DLGAP2: variants seen among roughly 807,000 people sequenced by gnomAD.
The protein encoded by DLGAP2 is DLG associated protein 2, also known as disks large-associated protein 2.
In DLGAP2, 26 loss-of-function variants were observed where a neutral mutation model predicts 100.3. That is an observed-to-expected ratio of 0.26 (90% CI 0.19 to 0.36). The LOEUF (loss-of-function observed/expected upper bound fraction) is 0.36, where lower values mean the gene tolerates loss of function less well. Ranked by LOEUF, DLGAP2 falls within the 10% of genes least tolerant of loss-of-function variation. DLGAP2 has a pLI of 1.00. For missense variants in DLGAP2, 1,858 were observed against 1,453.2 expected (o/e 1.28, Z -4.53); for synonymous variants, 886 against 630.1 (o/e 1.41, Z -6.08).
intron 6 of DLGAP2, among the ~76,000 whole-genome samples, chr8:1,600,482 C>G (rs1286510656): frequency 6.6e-6 from 1 of 152,118 alleles, no homozygotes; most frequent in African/African-American, 2.4e-5. Flanking sequence ...AGCTTGGTTC[C>G]ATTCTCCCCG....
intron 2 of DLGAP2, among the ~76,000 whole-genome samples, chr8:1,063,521 C>CTT (rs34456280): frequency 2.6e-4 from 29 of 111,388 alleles, no homozygotes; most frequent in African/African-American, 8.5e-4. Flanking sequence ...AGTATACTGG[C>CTT]TTTTTTTTTT....
In DLGAP2 at chr8:1,282,125, A is replaced by G. The variant is rs796487888; in HGVS notation, c.106+23242A>G. Among the ~76,000 whole-genome samples the G allele has an allele frequency of 9.4e-4, 133 of 141,008 alleles. 1 individual carries two copies. In the East Asian group the frequency reaches 0.013, roughly 14 times the overall value. The allele number at this position is 141,008 out of a possible 152,430, so 92.5% of individuals were successfully genotyped here. On this transcript the variant is annotated intron_variant, in intron 3 of 14. Transcript: ENST00000637795. ...ACCCAGCACTCTGAACCATCCGGAC[A>G]TGGTGTGACCTGAACCCAGCGCATG... is the stretch of plus-strand genomic sequence containing the variant.
chr8:1,444,651 C>G (rs186528842), intron 3 of DLGAP2, among the ~76,000 whole-genome samples: 1 of 152,100 alleles, frequency 6.6e-6, no homozygotes, highest in Non-Finnish European at 1.5e-5. Flanking sequence ...TTCCCCATTT[C>G]CAGGTTGATG....
At chr8:1,005,363 T>C (rs1801075919) in intron 2 of DLGAP2, among the ~76,000 whole-genome samples, 1 of 151,952 alleles carries the variant, frequency 6.6e-6, no homozygotes, top group East Asian at 1.9e-4. Flanking sequence ...CGTCAAATAG[T>C]TGATGCCCAT....
At chr8:1,182,706 C>G (rs1354264367) in intron 2 of DLGAP2, among the ~76,000 whole-genome samples, 1 of 152,212 alleles carries the variant, frequency 6.6e-6, no homozygotes, top group Non-Finnish European at 1.5e-5. Context: ...CCTGCCATCA[C>G]GTCTGCGCTG....
intron 2 of DLGAP2, among the ~76,000 whole-genome samples, chr8:1,135,182 C>G (rs1050907349): frequency 3.3e-5 from 5 of 152,154 alleles, no homozygotes; most frequent in Admixed American, 3.3e-4. Flanking sequence ...AGTATAGGCA[C>G]TTACCCTATA....
intron 10 of DLGAP2, among the ~76,000 whole-genome samples, chr8:1,671,745 G>C (rs17829167): frequency 0.17 from 26,201 of 152,206 alleles, 2,725 homozygotes; most frequent in East Asian, 0.43. Context: ...CAAGTCCCCT[G>C]TTCCTCAGAT....
chr8:1,130,100 C>T (rs539201299), intron 2 of DLGAP2, among the ~76,000 whole-genome samples: 1 of 2,094 alleles, frequency 4.8e-4, no homozygotes, highest in Admixed American at 3.9e-3. Flanking sequence ...AGACACTTCA[C>T]GCGAGTTAAG....
At chr8:976,501 A>C (rs369053918) in intron 2 of DLGAP2, among the ~76,000 whole-genome samples, 5 of 152,184 alleles carry the variant, frequency 3.3e-5, no homozygotes, top group African/African-American at 1.2e-4. Flanking sequence ...AGTCCCAGCT[A>C]CTTGGGAGGC....
chr8:973,530 G>T (rs2129012689), intron 2 of DLGAP2, among the ~76,000 whole-genome samples: 1 of 152,338 alleles, frequency 6.6e-6, no homozygotes, highest in East Asian at 1.9e-4. Context: ...GCCGGGCAGA[G>T]ATGCTCCTCA....
rs555256155 is a variant in DLGAP2 at position 1,188,471 on chromosome 8, C to T, written c.74-70380C>T. ...TTTCCCTCACGGAATCTCGCACGCC[C>T]GGGACTTCCGTGACGTTTCCCTCAC... On this transcript the variant is annotated intron_variant, in intron 2 of 14. Coordinates refer to ENST00000637795, the MANE Select transcript of DLGAP2 (RefSeq NM_001346810.2). 4.0e-4 allele frequency among the ~76,000 whole-genome samples: 55 copies of T among 137,156 alleles called. 3 individuals are homozygous for T. Among genetic ancestry groups the T allele is most frequent in the Admixed American group, 2.8e-3 (40 of 14,506 alleles). The allele number at this position is 137,156 out of a possible 152,430, so 90.0% of individuals were successfully genotyped here. A position where few individuals can be genotyped will look rare whatever the true frequency, so the allele number is the denominator to read the frequency against.
chr8:1,442,498 G>A (rs544844242), intron 3 of DLGAP2, among the ~76,000 whole-genome samples: 16 of 149,036 alleles, frequency 1.1e-4, no homozygotes, highest in Admixed American at 7.4e-4. Flanking sequence ...TGGGGGAGAC[G>A]GATCCGGGCA....
At chr8:1,552,558 A>G (rs1465762026) in intron 5 of DLGAP2, among the ~76,000 whole-genome samples, 2 of 152,190 alleles carry the variant, frequency 1.3e-5, no homozygotes, top group African/African-American at 4.8e-5. Flanking sequence ...CTTCCTGTCA[A>G]TTGCATTAAA....
rs373231135 is a variant in DLGAP2 at position 1,697,438 on chromosome 8, G to A, written c.2949+139G>A. On this transcript the variant is annotated intron_variant, in intron 14 of 14. Coordinates refer to ENST00000637795, the MANE Select transcript of DLGAP2 (RefSeq NM_001346810.2). The stretch of plus-strand genomic sequence containing the variant: ...CGAGCAAATTTCCCTCTATGTATGT[G>A]TGCACATGTGTATACGCACATGTGT... 1.8e-5 allele frequency: 22 copies of A among 1,234,580 alleles called. No homozygotes were observed. In the South Asian group the frequency reaches 2.5e-4, roughly 14 times the overall value. 76.5% of individuals were successfully genotyped at this position (1,234,580 alleles called of 1,614,324 possible).
chr8:1,165,288 G>A (rs1327320629), intron 2 of DLGAP2, among the ~76,000 whole-genome samples: 3 of 151,540 alleles, frequency 2.0e-5, no homozygotes, highest in African/African-American at 7.3e-5. Flanking sequence ...ACAGAGATGG[G>A]GAGAGAGACA....
chr8:1,667,285 T>C (rs1463979167), intron 8 of DLGAP2, among the ~76,000 whole-genome samples: 1 of 152,208 alleles, frequency 6.6e-6, no homozygotes, highest in Non-Finnish European at 1.5e-5. Flanking sequence ...GCATTTTTGG[T>C]AGGTTCTAAG....
At position 839,470 on chromosome 8, in the gene DLGAP2, G is replaced by A. The variant is rs139694724; in HGVS notation, c.19-68442G>A. Among the ~76,000 whole-genome samples the A allele has an allele frequency of 3.3e-5, 5 of 152,304 alleles. No individual in the cohort carries two copies. In the East Asian group the frequency reaches 7.7e-4, roughly 24 times the overall value. On this transcript the variant is annotated intron_variant, in intron 1 of 14. Transcript: ENST00000637795. ...CTTTATGCTGAGCGAAATAAGCCAG[G>A]CGCAGAAAGACAAATGCCACCTGTG...
intron 2 of DLGAP2, among the ~76,000 whole-genome samples, chr8:1,072,914 C>T (rs1025138722): frequency 2.2e-4 from 33 of 152,160 alleles, no homozygotes; most frequent in African/African-American, 7.7e-4. Flanking sequence ...CTGGCTGAGA[C>T]GGAATCTGCT....
chr8:1,220,565 C>G (rs1042894049), intron 2 of DLGAP2, among the ~76,000 whole-genome samples: 2 of 151,988 alleles, frequency 1.3e-5, no homozygotes, highest in Admixed American at 6.6e-5. Flanking sequence ...GGAGATGAGA[C>G]TATATATTCT....
Sources: gnomAD v4.1 joint callset for allele counts (sites outside exome capture counted in the v4.1 genomes callset) on GRCh38, gnomAD v4.1.1 for gene constraint, MANE v1.5 for transcripts, NCBI Gene and HGNC (gene_info 2026-07-23, HGNC 2026-07-21) for gene names.